The following PTPRD variants were observed in gnomAD, a reference collection of about 807,000 sequenced individuals.
PTPRD encodes the protein protein tyrosine phosphatase receptor type D, also known as receptor-type tyrosine-protein phosphatase delta.
PTPRD carries 34 observed loss-of-function variants against 214.5 expected under a neutral mutation model. The observed-to-expected ratio is 0.16, with a 90% CI of 0.12 to 0.21. PTPRD has a LOEUF of 0.21. PTPRD is among the 10% of genes least tolerant of loss of function. The pLI is 1.00. For synonymous variants in PTPRD, 1,128 were observed against 845.7 expected (o/e 1.33, Z -5.79); for missense variants, 2,545 against 2,398.7 (o/e 1.06, Z -1.27).
chr9:9,416,343 A>C (rs1410608711), intron 8 of PTPRD, among the ~76,000 whole-genome samples: 3 of 152,198 alleles, frequency 2.0e-5, no homozygotes, highest in African/African-American at 4.8e-5. Flanking sequence ...AATAAGACAG[A>C]ATGTGATTTG....
chr9:9,026,592 AG>A (rs2099587921), intron 10 of PTPRD, among the ~76,000 whole-genome samples: 1 of 151,890 alleles, frequency 6.6e-6, no homozygotes, highest in South Asian at 2.1e-4. Context: ...TGCCTATAAT[AG>A]TAATGTTTTT....
intron 8 of PTPRD, among the ~76,000 whole-genome samples, chr9:9,504,417 C>G (rs1304966739): frequency 6.6e-6 from 1 of 151,620 alleles, no homozygotes. Flanking sequence ...TTATACAACC[C>G]TTGTCTCCAT....
At chr9:10,536,850 G>T (rs1383379858) in intron 2 of PTPRD, among the ~76,000 whole-genome samples, 5 of 152,108 alleles carry the variant, frequency 3.3e-5, no homozygotes, top group Admixed American at 3.3e-4. Context: ...CTATTTCATG[G>T]TACCAATTTT....
At position 9,872,583 on chromosome 9, in the gene PTPRD, C is replaced by T. The variant is rs566779600; in HGVS notation, c.-368+65924G>A. On this transcript the variant is annotated intron_variant, in intron 5 of 45. Transcript: ENST00000381196. Reference sequence around the variant, plus strand: ...CCAGCCTGGGCAACAGAGCAAGGCCCTGTGTCAAAACAACCACCACCACCA... The same window carrying T: ...CCAGCCTGGGCAACAGAGCAAGGCCTTGTGTCAAAACAACCACCACCACCA... Among the ~76,000 whole-genome samples the T allele has an allele frequency of 2.0e-5, 3 of 152,076 alleles. No homozygotes were observed. In the South Asian group the frequency reaches 6.2e-4, roughly 32 times the overall value.
intron 3 of PTPRD, among the ~76,000 whole-genome samples, chr9:10,297,747 C>T (rs1405942874): frequency 1.3e-5 from 2 of 152,060 alleles, no homozygotes; most frequent in East Asian, 1.9e-4. Context: ...CTATGAGTTT[C>T]AACTCTAGCT....
At chr9:9,927,144 T>C (rs1362734128) in intron 5 of PTPRD, among the ~76,000 whole-genome samples, 1 of 152,166 alleles carries the variant, frequency 6.6e-6, no homozygotes, top group Non-Finnish European at 1.5e-5. Flanking sequence ...GTATAAAATA[T>C]TGAGTATTTC....
At chr9:9,960,806 C>G (rs1295543378) in intron 4 of PTPRD, among the ~76,000 whole-genome samples, 1 of 151,952 alleles carries the variant, frequency 6.6e-6, no homozygotes, top group Non-Finnish European at 1.5e-5. Context: ...TTATTAAAAA[C>G]AAAGAAAATA....
intron 43 of PTPRD, among the ~76,000 whole-genome samples, chr9:8,337,761 A>G (rs376261255): frequency 6.6e-6 from 1 of 151,972 alleles, no homozygotes; most frequent in Non-Finnish European, 1.5e-5. Context: ...TGTCTCTGCC[A>G]TTGGTGGGGC....
At chr9:8,673,591 C>T (rs992941848) in intron 12 of PTPRD, among the ~76,000 whole-genome samples, 7 of 152,138 alleles carry the variant, frequency 4.6e-5, no homozygotes, top group African/African-American at 1.7e-4. Context: ...CCTTCTATTC[C>T]ATTTTTAATT....
intron 11 of PTPRD, among the ~76,000 whole-genome samples, chr9:8,870,357 A>C (rs1204546991): frequency 1.3e-5 from 2 of 152,136 alleles, no homozygotes; most frequent in Non-Finnish European, 2.9e-5. Flanking sequence ...CTCCTAATCC[A>C]CACAGAGACT....
intron 9 of PTPRD, among the ~76,000 whole-genome samples, chr9:9,307,649 T>C (rs1456481332): frequency 1.3e-5 from 2 of 152,170 alleles, no homozygotes; most frequent in African/African-American, 2.4e-5. Flanking sequence ...GACAATTCTC[T>C]ATACTGGTGC....
intron 7 of PTPRD, among the ~76,000 whole-genome samples, chr9:9,661,657 C>T (rs1339563717): frequency 6.6e-6 from 1 of 151,764 alleles, no homozygotes; most frequent in Admixed American, 6.6e-5. Flanking sequence ...AATTTGTTTG[C>T]CACTATTCAA....
chr9:8,643,358 G>A (rs541021034), intron 12 of PTPRD, among the ~76,000 whole-genome samples: 25 of 151,548 alleles, frequency 1.6e-4, no homozygotes, highest in Non-Finnish European at 3.4e-4. Flanking sequence ...GGGAGGGAGG[G>A]AAGGAAGGAA....
chr9:9,270,854 T>C (rs1208656842), intron 9 of PTPRD, among the ~76,000 whole-genome samples: 1 of 151,256 alleles, frequency 6.6e-6, no homozygotes, highest in Non-Finnish European at 1.5e-5. Flanking sequence ...GTAGAACCAA[T>C]AGAACTCATT....
chr9:8,782,182 A>G (rs2095739941), intron 11 of PTPRD, among the ~76,000 whole-genome samples: 2 of 147,808 alleles, frequency 1.4e-5, no homozygotes, highest in Admixed American at 6.7e-5. Flanking sequence ...ATAAAATTGC[A>G]TATGTGTACA....
At chr9:10,508,336 A>T (rs568132397) in intron 2 of PTPRD, among the ~76,000 whole-genome samples, 39 of 152,156 alleles carry the variant, frequency 2.6e-4, no homozygotes, top group Non-Finnish European at 4.9e-4. Flanking sequence ...GAACACTTTT[A>T]CACTGTTGGT....
chr9:9,140,429 A>G (rs989792379), intron 10 of PTPRD, among the ~76,000 whole-genome samples: 3 of 152,180 alleles, frequency 2.0e-5, no homozygotes, highest in Non-Finnish European at 2.9e-5. Context: ...CTAAAGAAGG[A>G]CAGATATAAC....
chr9:8,900,415 A>T (rs939095272), intron 11 of PTPRD, among the ~76,000 whole-genome samples: 29 of 152,340 alleles, frequency 1.9e-4, no homozygotes, highest in Middle Eastern at 3.4e-3. Flanking sequence ...CTGTAATAAA[A>T]TGGCACAATC....
intron 9 of PTPRD, among the ~76,000 whole-genome samples, chr9:9,373,482 G>A (rs1253752265): frequency 1.3e-5 from 2 of 152,068 alleles, no homozygotes; most frequent in Non-Finnish European, 2.9e-5. Context: ...TCTGAAATGA[G>A]TCTTATGGGG....
Sources: allele counts gnomAD v4.1 joint callset (sites outside exome capture counted in the v4.1 genomes callset), GRCh38; gene constraint gnomAD v4.1.1; transcripts MANE v1.5; gene names NCBI Gene and HGNC (gene_info 2026-07-23, HGNC 2026-07-21).